Variants in ANKIB1 observed in about 807,000 individuals in gnomAD.
ANKIB1 encodes ankyrin repeat and IBR domain containing 1, also known as ankyrin repeat and IBR domain-containing protein 1.
A neutral mutation model predicts 122.1 loss-of-function variants in ANKIB1; 43 were observed. That is an observed-to-expected ratio of 0.35 (90% CI 0.28 to 0.45). The LOEUF (loss-of-function observed/expected upper bound fraction) is 0.45. Among genes scored for constraint, ANKIB1 ranks in the 20% least tolerant of loss-of-function variants. The pLI is 1.00. For missense variants in ANKIB1, 992 were observed against 1,329.5 expected, an observed-to-expected ratio of 0.75 and a Z score of 3.95; for synonymous variants, 390 against 442.0, an observed-to-expected ratio of 0.88 and a Z score of 1.48.
chr7:92,297,369 A>T (rs546569282), intron 2 of ANKIB1, among the ~76,000 whole-genome samples: 2 of 152,312 alleles, frequency 1.3e-5, no homozygotes, highest in South Asian at 4.1e-4. Context: ...CAGTTTTCTT[A>T]TCTGTATAAT....
At chr7:92,339,040 CTTTTTT>C (rs1209380092) in intron 5 of ANKIB1, among the ~76,000 whole-genome samples, 3 of 64,858 alleles carry the variant, frequency 4.6e-5, no homozygotes, top group Non-Finnish European at 8.7e-5. Context: ...CTTGAATTTT[CTTTTTT>C]TTTTTTTTTT....
At chr7:92,330,103 C>T (rs1013167158) in intron 5 of ANKIB1, among the ~76,000 whole-genome samples, 4 of 152,158 alleles carry the variant, frequency 2.6e-5, no homozygotes, top group Admixed American at 6.5e-5. Flanking sequence ...TGTCCTTAGA[C>T]ATCATTTCTT....
intron 17 of ANKIB1, 75 bp downstream of exon 17, chr7:92,392,367 T>A (rs1025560466): frequency 1.6e-6 from 2 of 1,276,930 alleles, no homozygotes; most frequent in Non-Finnish European, 2.2e-6. Flanking sequence ...TCCTTATCTA[T>A]TCTAAATCCT....
At chr7:92,269,941 C>T (rs1386208684) in intron 1 of ANKIB1, among the ~76,000 whole-genome samples, 3 of 152,036 alleles carry the variant, frequency 2.0e-5, no homozygotes, top group Non-Finnish European at 4.4e-5. Context: ...TGCTATCCCT[C>T]GCCAATCCCC....
intron 5 of ANKIB1, among the ~76,000 whole-genome samples, chr7:92,333,534 C>G (rs1022787224): frequency 1.3e-5 from 2 of 152,170 alleles, no homozygotes; most frequent in African/African-American, 2.4e-5. Flanking sequence ...CTCCCTGACT[C>G]CGGTTTTCTA....
At chr7:92,265,802 G>A (rs1485993256) in intron 1 of ANKIB1, among the ~76,000 whole-genome samples, 3 of 152,168 alleles carry the variant, frequency 2.0e-5, no homozygotes, top group Admixed American at 6.5e-5. Flanking sequence ...GCATAAGATT[G>A]GAGGAAGAAT....
chr7:92,358,012 G>T (rs10244041), intron 9 of ANKIB1, among the ~76,000 whole-genome samples: 3,490 of 152,180 alleles, frequency 0.023, 145 homozygotes, highest in African/African-American at 0.08. Flanking sequence ...GGAGGCCGAG[G>T]CGGGCATATC....
At chr7:92,326,309 A>G (rs1397594995) in intron 4 of ANKIB1, among the ~76,000 whole-genome samples, 1 of 152,224 alleles carries the variant, frequency 6.6e-6, no homozygotes, top group Non-Finnish European at 1.5e-5. Flanking sequence ...CAGAACTGCA[A>G]GCAAAGCTAA....
rs538050261 is a variant in ANKIB1, at chr7:92,370,092, A to C, written c.1487-1385A>C. Among the ~76,000 whole-genome samples the C allele has an allele frequency of 2.0e-5, 3 of 152,266 alleles. No homozygotes were observed. In the South Asian group the frequency reaches 6.2e-4, roughly 32 times the overall value. On this transcript the variant is annotated intron_variant, in intron 10 of 19. Transcript: ENST00000265742. The stretch of plus-strand genomic sequence containing the variant: ...TCATAATAGGCTTTATATTCTTTGC[A>C]AAAGCAATTGGATTTTATCTTGTAG...
chr7:92,336,913 G>T (rs1313482849), intron 5 of ANKIB1, among the ~76,000 whole-genome samples: 2 of 152,152 alleles, frequency 1.3e-5, no homozygotes, highest in Non-Finnish European at 2.9e-5. Flanking sequence ...CTGTAGGAGA[G>T]TTGGTCTGAT....
intron 9 of ANKIB1, among the ~76,000 whole-genome samples, chr7:92,359,094 TA>T (rs1803887541): frequency 1.3e-5 from 2 of 152,242 alleles, no homozygotes; most frequent in African/African-American, 4.8e-5. Context: ...TTTTCGTACT[TA>T]AGTTCTGTTG....
At chr7:92,307,779 T>C in intron 3 of ANKIB1, 123 bp downstream of exon 3, 1 of 674,266 alleles carries the variant, frequency 1.5e-6, no homozygotes, top group Non-Finnish European at 2.2e-6. Flanking sequence ...TCTTTTGTCT[T>C]CTAAAAGACC....
chr7:92,322,232 C>T (rs182725453), intron 4 of ANKIB1, among the ~76,000 whole-genome samples: 4 of 151,998 alleles, frequency 2.6e-5, no homozygotes, highest in Admixed American at 2.6e-4. Flanking sequence ...GTTTTTTCCC[C>T]AAAATACCAT....
intron 3 of ANKIB1, among the ~76,000 whole-genome samples, chr7:92,311,809 G>A (rs1384650426): frequency 6.6e-6 from 1 of 151,964 alleles, no homozygotes; most frequent in East Asian, 1.9e-4. Context: ...GGTATCACAT[G>A]GTATGTAGAG....
At chr7:92,302,459 A>G (rs1402890674) in intron 2 of ANKIB1, among the ~76,000 whole-genome samples, 1 of 152,108 alleles carries the variant, frequency 6.6e-6, no homozygotes, top group Non-Finnish European at 1.5e-5. Context: ...CTGAACCCAC[A>G]TGCTATGTGG....
intron 11 of ANKIB1, among the ~76,000 whole-genome samples, chr7:92,375,155 C>T (rs1804353253): frequency 6.6e-6 from 1 of 152,152 alleles, no homozygotes; most frequent in Non-Finnish European, 1.5e-5. Context: ...ATTATCTGAA[C>T]CTTCAGTGAG....
chr7:92,371,949 G>A (rs994470490), intron 11 of ANKIB1, among the ~76,000 whole-genome samples: 2 of 140,680 alleles, frequency 1.4e-5, no homozygotes, highest in Middle Eastern at 3.7e-3. Flanking sequence ...CTTGAGAGAG[G>A]GGTGTGTGTG....
chr7:92,360,329 C>T (rs1473863094), intron 9 of ANKIB1, among the ~76,000 whole-genome samples: 1 of 152,092 alleles, frequency 6.6e-6, no homozygotes, highest in East Asian at 1.9e-4. Flanking sequence ...AATATTTGTA[C>T]TTTTGTGTCT....
intron 5 of ANKIB1, among the ~76,000 whole-genome samples, chr7:92,336,046 C>A (rs1012726213): frequency 4.6e-5 from 7 of 152,056 alleles, no homozygotes; most frequent in Non-Finnish European, 8.8e-5. Flanking sequence ...AAGAATCTTG[C>A]AACTATGTAT....
Sources: gnomAD v4.1 joint callset for allele counts (sites outside exome capture counted in the v4.1 genomes callset) on GRCh38, gnomAD v4.1.1 for gene constraint, MANE v1.5 for transcripts, NCBI Gene and HGNC (gene_info 2026-07-23, HGNC 2026-07-21) for gene names.